Variants in CADM1 observed in about 807,000 individuals in gnomAD.
CADM1 encodes the protein TSLC-1.
A neutral mutation model predicts 53.1 loss-of-function variants in CADM1; 15 were observed. The ratio of observed to expected loss-of-function variants is 0.28; its 90% CI spans 0.19 to 0.44. The LOEUF (loss-of-function observed/expected upper bound fraction) is 0.44. Ranked by LOEUF, CADM1 falls within the 20% of genes least tolerant of loss-of-function variation. CADM1 has a pLI of 1.00. For missense variants in CADM1, 434 were observed against 611.3 expected, an observed-to-expected ratio of 0.71 and a Z score of 3.06; for synonymous variants, 281 against 243.0, an observed-to-expected ratio of 1.16 and a Z score of -1.45.
rs907370867 is a variant in CADM1 at position 115,504,341 on chromosome 11, C to CGCCGCCGCT, written c.45_53dup (p.Ala18_Ala20dup). 113 of 1,549,490 alleles carry CGCCGCCGCT rather than the reference C, an allele frequency of 7.3e-5. 1 individual carries two copies. The Middle Eastern group carries it at 1.1e-3, about 15-fold the overall frequency. ...GGAGCCGGAGCCCGGGAGGCGCCGC[C>CGCCGCCGCT]GCCGCCGCTGCCGCCGCACACTGGG... is the stretch of plus-strand genomic sequence containing the variant. On this transcript the variant is annotated inframe_insertion, in exon 1 of 12. Transcript: ENST00000331581.
chr11:115,349,166 C>T (rs941212588), intron 1 of CADM1, among the ~76,000 whole-genome samples: 17 of 152,112 alleles, frequency 1.1e-4, no homozygotes, highest in African/African-American at 3.9e-4. Flanking sequence ...ATGTGAGTAA[C>T]AAAAATTCAG....
At chr11:115,247,932 T>C (rs987209566) in intron 1 of CADM1, among the ~76,000 whole-genome samples, 3 of 152,176 alleles carry the variant, frequency 2.0e-5, no homozygotes, top group African/African-American at 7.2e-5. Flanking sequence ...ATTATGTAAA[T>C]TAGGAAAAAA....
rs78699165 is a variant in CADM1 at position 115,354,849 on chromosome 11, A to G, written c.125-114429T>C. On this transcript the variant is annotated intron_variant, in intron 1 of 11. Coordinates refer to ENST00000331581, the MANE Select transcript of CADM1 (RefSeq NM_001301043.2). ...ATCATTAAAAAAGGACTCTCAACAA[A>G]TTAGTAATAATTAACTTAATTATAA... Among the ~76,000 whole-genome samples the G allele has an allele frequency of 5.8e-3, 888 of 152,280 alleles. 9 individuals are homozygous for G. Among genetic ancestry groups the G allele is most frequent in the African/African-American group, 0.02 (826 of 41,542 alleles).
At chr11:115,213,197 A>G (rs891295845) in intron 7 of CADM1, among the ~76,000 whole-genome samples, 1 of 152,184 alleles carries the variant, frequency 6.6e-6, no homozygotes, top group African/African-American at 2.4e-5. Context: ...AAGAGAGCAC[A>G]TGCAGAAAAA....
In CADM1 at chr11:115,281,154, T is replaced by C. The variant is rs1943573658; in HGVS notation, c.125-40734A>G. Among the ~76,000 whole-genome samples, 7 of 152,240 alleles carry C rather than the reference T, an allele frequency of 4.6e-5. No homozygotes were observed. The South Asian group carries it at 1.4e-3, about 31-fold the overall frequency. ...GGGCTACAGAAAGAACCACACTGTA[T>C]CTTTTTGCCTGAGCATTCCTAAAGC... On this transcript the variant is annotated intron_variant, in intron 1 of 11. Coordinates refer to ENST00000331581, the MANE Select transcript of CADM1 (RefSeq NM_001301043.2).
intron 5 of CADM1, among the ~76,000 whole-genome samples, chr11:115,220,404 A>G (rs991409734): frequency 6.6e-6 from 1 of 152,204 alleles, no homozygotes. Flanking sequence ...AGGATTTGTT[A>G]TACCCAAAAT....
At chr11:115,295,477 T>A (rs1420757306) in intron 1 of CADM1, among the ~76,000 whole-genome samples, 2 of 141,170 alleles carry the variant, frequency 1.4e-5, no homozygotes, top group Non-Finnish European at 1.5e-5. Flanking sequence ...CCGTCTGCAA[T>A]CCATACTATA....
chr11:115,324,840 C>T (rs1372059480), intron 1 of CADM1, among the ~76,000 whole-genome samples: 1 of 152,106 alleles, frequency 6.6e-6, no homozygotes, highest in Non-Finnish European at 1.5e-5. Flanking sequence ...TAGATTGAAG[C>T]GCTGAAGAAT....
At chr11:115,258,502 C>A (rs963298221) in intron 1 of CADM1, among the ~76,000 whole-genome samples, 1 of 152,198 alleles carries the variant, frequency 6.6e-6, no homozygotes, top group Non-Finnish European at 1.5e-5. Context: ...ATGCACTCTG[C>A]CACCAGCTCT....
chr11:115,368,110 CTTTTTTTTTTTTTT>C (rs58589028), intron 1 of CADM1, among the ~76,000 whole-genome samples: 16 of 61,868 alleles, frequency 2.6e-4, no homozygotes, highest in Admixed American at 7.8e-4. Flanking sequence ...TCACTAGAGT[CTTTTTTTTTTTTTT>C]TTTTTTTTTT....
chr11:115,472,063 C>G (rs142189741), intron 1 of CADM1, among the ~76,000 whole-genome samples: 85 of 152,132 alleles, frequency 5.6e-4, no homozygotes, highest in African/African-American at 1.9e-3. Context: ...TTTGACCACA[C>G]CAGGGTCCCA....
chr11:115,380,546 T>G (rs1946549212), intron 1 of CADM1, among the ~76,000 whole-genome samples: 1 of 152,206 alleles, frequency 6.6e-6, no homozygotes, highest in African/African-American at 2.4e-5. Context: ...AACAATATTT[T>G]TACAACTTTT....
At chr11:115,330,996 AG>A (rs1945115114) in intron 1 of CADM1, among the ~76,000 whole-genome samples, 1 of 152,176 alleles carries the variant, frequency 6.6e-6, no homozygotes, top group Non-Finnish European at 1.5e-5. Flanking sequence ...TGGCTGAAAC[AG>A]GGAAGTGAAG....
At chr11:115,430,909 G>A (rs2027618) in intron 1 of CADM1, among the ~76,000 whole-genome samples, 31,097 of 152,066 alleles carry the variant, frequency 0.2, 4,253 homozygotes, top group Non-Finnish European at 0.31. Context: ...AATTAAAATC[G>A]ACAGAGAAGG....
At chr11:115,308,434 G>A (rs1944445018) in intron 1 of CADM1, among the ~76,000 whole-genome samples, 1 of 151,814 alleles carries the variant, frequency 6.6e-6, no homozygotes, top group South Asian at 2.1e-4. Context: ...TGTAACCACT[G>A]TTAATTCTTT....
At chr11:115,377,288 T>C (rs1172368305) in intron 1 of CADM1, 1 of 152,140 alleles carries the variant, frequency 6.6e-6, no homozygotes, top group Non-Finnish European at 1.5e-5. Context: ...TTCAAGTCAC[T>C]TGCAAATAAT....
At chr11:115,406,210 C>A (rs893121341) in intron 1 of CADM1, among the ~76,000 whole-genome samples, 2 of 152,016 alleles carry the variant, frequency 1.3e-5, no homozygotes, top group African/African-American at 4.8e-5. Flanking sequence ...TTAAAAATAT[C>A]CAAATACTTC....
chr11:115,178,491 T>G (rs755378030), intron 11 of CADM1, among the ~76,000 whole-genome samples, 153 bp downstream of exon 11: 8 of 151,610 alleles, frequency 5.3e-5, no homozygotes, highest in Admixed American at 2.0e-4. Flanking sequence ...TTGTTTTTTT[T>G]TTTTTTTTTC....
intron 1 of CADM1, chr11:115,287,514 G>A (rs10891823): frequency 0.22 from 33,875 of 152,116 alleles, 5,621 homozygotes; most frequent in East Asian, 0.65. Flanking sequence ...CAGAAGAAGC[G>A]TTCAAACACA....
Sources: gnomAD v4.1 joint callset for allele counts (sites outside exome capture counted in the v4.1 genomes callset) on GRCh38, gnomAD v4.1.1 for gene constraint, MANE v1.5 for transcripts, NCBI Gene and HGNC (gene_info 2026-07-23, HGNC 2026-07-21) for gene names.